The following RBM20 variants were observed in gnomAD, a reference collection of about 807,000 sequenced individuals.
RBM20 encodes the protein RNA binding motif protein 20.
RBM20 carries 51 observed loss-of-function variants against 110.1 expected under a neutral mutation model. The observed-to-expected ratio is 0.46, with a 90% CI of 0.37 to 0.59. RBM20 has a LOEUF of 0.59. RBM20 is among the 20% of genes least tolerant of loss of function. RBM20 has a pLI of 0.00. For missense variants in RBM20, 1,512 were observed against 1,574.9 expected (o/e 0.96, Z 0.68); for synonymous variants, 589 against 618.2 (o/e 0.95, Z 0.70).
chr10:110,804,097 T>C (rs1844666375), intron 7 of RBM20, among the ~76,000 whole-genome samples: 1 of 151,676 alleles, frequency 6.6e-6, no homozygotes. Flanking sequence ...AAAGCCAGAG[T>C]TTTTTCCTAG....
chr10:110,773,312 G>A (rs1318499667), intron 1 of RBM20, among the ~76,000 whole-genome samples: 1 of 152,224 alleles, frequency 6.6e-6, no homozygotes. Flanking sequence ...TCACTGGGGA[G>A]ATGAAGGTGG....
chr10:110,760,818 G>T (rs1351798440), intron 1 of RBM20, among the ~76,000 whole-genome samples: 2 of 150,734 alleles, frequency 1.3e-5, no homozygotes, highest in African/African-American at 4.9e-5. Context: ...AGTTGGCCAG[G>T]TGCAGTGGCT....
intron 1 of RBM20, among the ~76,000 whole-genome samples, chr10:110,727,210 C>T (rs1265316498): frequency 8.0e-6 from 1 of 125,474 alleles, no homozygotes; most frequent in African/African-American, 3.0e-5. Flanking sequence ...TTAGTTGACA[C>T]ATAATGTATG....
Position 110,821,861 on chromosome 10 carries a change from C to A in RBM20, c.3242C>A (p.Pro1081His). ...TPEDGACEGS[P>H]LEEKASPPIE... ...GAAGATGGGGCTTGTGAAGGCAGCCCCCTGGAGGAGAAAGCCAGCCCCCCC... is the reference window on the plus strand; with the variant it reads ...GAAGATGGGGCTTGTGAAGGCAGCCACCTGGAGGAGAAAGCCAGCCCCCCC... The change falls in exon 11 of 14, where the codon CCC becomes CAC. Residue 1081 changes from proline (P) to histidine (H), a missense_variant. Physicochemically the swap from Pro to His is moderately conservative, Grantham distance 77. Coordinates refer to ENST00000369519, the MANE Select transcript of RBM20 (RefSeq NM_001134363.3). 1 of 1,551,702 alleles carries A rather than the reference C, an allele frequency of 6.4e-7. No homozygotes were observed. The highest frequency in any genetic ancestry group is 8.7e-7 in the Non-Finnish European group (1 of 1,146,998).
chr10:110,740,481 G>A (rs1843713641), intron 1 of RBM20, among the ~76,000 whole-genome samples: 1 of 152,106 alleles, frequency 6.6e-6, no homozygotes, highest in African/African-American at 2.4e-5. Context: ...TGCTGCAGAG[G>A]GAGGGGCAGG....
intron 1 of RBM20, among the ~76,000 whole-genome samples, chr10:110,671,786 A>G (rs184545821): frequency 6.6e-5 from 10 of 152,204 alleles, no homozygotes; most frequent in Non-Finnish European, 2.9e-5. Context: ...CCGTATTTAC[A>G]AGAAACACTC....
At chr10:110,681,604 T>A (rs1862423179) in intron 1 of RBM20, among the ~76,000 whole-genome samples, 1 of 152,212 alleles carries the variant, frequency 6.6e-6, no homozygotes, top group African/African-American at 2.4e-5. Context: ...CTGCTCCCCG[T>A]TAGCCTGAGG....
chr10:110,812,386 C>A lies in RBM20; in HGVS notation c.1989C>A (p.Gly663=). Residue 663 remains glycine (G), a synonymous_variant, in exon 9 of 14, where the codon GGC becomes GGA. Coordinates refer to ENST00000369519, the MANE Select transcript of RBM20 (RefSeq NM_001134363.3). ...GCAGCTCTTCCCACAGCCCTCCGGG[C>A]CCCTCCCGGGCTGACTGGGGCAATG... ...TSCSSSHSPP[G]PSRADWGNGR... 2 of 1,551,702 alleles carry A rather than the reference C, an allele frequency of 1.3e-6. No homozygotes were observed. The highest frequency in any genetic ancestry group is 1.7e-6 in the Non-Finnish European group (2 of 1,147,008).
chr10:110,769,325 A>G (rs186850621), intron 1 of RBM20, among the ~76,000 whole-genome samples: 1 of 152,246 alleles, frequency 6.6e-6, no homozygotes, highest in Admixed American at 6.5e-5. Flanking sequence ...TGGGCTTTTT[A>G]TAATGATGGG....
intron 1 of RBM20, among the ~76,000 whole-genome samples, chr10:110,770,851 G>T (rs1024822536): frequency 6.6e-6 from 1 of 151,838 alleles, no homozygotes; most frequent in South Asian, 2.1e-4. Flanking sequence ...ACTTAACAGC[G>T]CCTCAGAGGC....
Position 110,781,710 on chromosome 10 carries a change from G to T in RBM20, c.1101G>T (p.Arg367=), listed in dbSNP as rs796631295. 7.1e-6 allele frequency: 11 copies of T among 1,551,246 alleles called. No individual in the cohort carries two copies. The highest frequency in any genetic ancestry group is 9.6e-6 in the Non-Finnish European group (11 of 1,146,560). Residue 367 remains arginine, a synonymous_variant, in exon 2 of 14, where the codon CGG becomes CGT. Coordinates refer to ENST00000369519, the MANE Select transcript of RBM20 (RefSeq NM_001134363.3). ...SDRTPPSFGG[R]LNNSKQGFIG... is the part of the protein sequence containing the mutation. ...GGACACCTCCTTCCTTCGGGGGTCG[G>T]CTTAACAACAGCAAACAGGGTTTTA... is the stretch of plus-strand genomic sequence containing the variant.
intron 13 of RBM20, among the ~76,000 whole-genome samples, chr10:110,832,053 A>G (rs1845062820): frequency 6.6e-6 from 1 of 152,236 alleles, no homozygotes; most frequent in African/African-American, 2.4e-5. Context: ...AGAGATATTA[A>G]TGTGTGAAAA....
chr10:110,829,641 C>A (rs1354710357), intron 12 of RBM20, among the ~76,000 whole-genome samples: 1 of 152,194 alleles, frequency 6.6e-6, no homozygotes, highest in East Asian at 1.9e-4. Context: ...AATGACAAGT[C>A]TAGGCTGCTT....
intron 1 of RBM20, among the ~76,000 whole-genome samples, chr10:110,674,533 G>A (rs182942423): frequency 2.6e-5 from 4 of 152,316 alleles, no homozygotes; most frequent in African/African-American, 9.6e-5. Context: ...TCGTGACCAC[G>A]CAAGCTCAAT....
intron 5 of RBM20, among the ~76,000 whole-genome samples, chr10:110,789,525 A>G (rs1421377038): frequency 6.6e-6 from 1 of 151,072 alleles, no homozygotes; most frequent in East Asian, 1.9e-4. Context: ...TGGCATGATC[A>G]TGGCTTACTG....
chr10:110,666,878 T>C (rs947636080), intron 1 of RBM20, among the ~76,000 whole-genome samples: 1 of 152,190 alleles, frequency 6.6e-6, no homozygotes, highest in Non-Finnish European at 1.5e-5. Context: ...GAACAAAAAC[T>C]GCCACCAAAA....
At chr10:110,747,487 G>A (rs117607196) in intron 1 of RBM20, among the ~76,000 whole-genome samples, 125 of 152,294 alleles carry the variant, frequency 8.2e-4, no homozygotes, top group Middle Eastern at 6.8e-3. Context: ...TGGACTCAGA[G>A]ATCCTCTGTC....
chr10:110,645,796 G>C (rs2134795548), intron 1 of RBM20, among the ~76,000 whole-genome samples: 1 of 147,898 alleles, frequency 6.8e-6, no homozygotes, highest in South Asian at 2.1e-4. Flanking sequence ...TATGTTGACT[G>C]GTGGAATACT....
Position 110,781,682 on chromosome 10 carries a change from A to G in RBM20, c.1073A>G (p.Asp358Gly), listed in dbSNP as rs1420414952. ...TACGACCCCGAGGAACCAACCTCAG[A>G]CAGGACACCTCCTTCCTTCGGGGGT... ...ELYDPEEPTS[D>G]RTPPSFGGRL... Residue 358 changes from aspartate to glycine, a missense_variant, in exon 2 of 14, where the codon GAC (aspartate) becomes GGC (glycine). Asp to Gly is a moderately conservative substitution (Grantham distance 94). Around this residue, in one of 3 missense-constraint regions of RBM20, gnomAD observed 1,149 missense variants for 1,169.4 expected, o/e 0.98. Transcript: ENST00000369519. 1.3e-6 allele frequency: 2 copies of G among 1,549,310 alleles called. No homozygotes were observed. Among genetic ancestry groups the G allele is most frequent in the African/African-American group, 1.4e-5 (1 of 73,006 alleles).
Sources: allele counts gnomAD v4.1 joint callset (sites outside exome capture counted in the v4.1 genomes callset), GRCh38; gene constraint gnomAD v4.1.1; regional missense constraint gnomAD v4.1.1; transcripts MANE v1.5; gene names NCBI Gene and HGNC (gene_info 2026-07-23, HGNC 2026-07-21).